SGCD: variants seen among roughly 807,000 people sequenced by gnomAD.
The protein encoded by SGCD is sarcoglycan delta, also known as delta-sarcoglycan.
SGCD carries 18 observed loss-of-function variants against 36.6 expected under a neutral mutation model. The ratio of observed to expected loss-of-function variants is 0.49; its 90% CI spans 0.34 to 0.73. The LOEUF is 0.73. SGCD is among the 30% of genes least tolerant of loss of function. The probability of loss-of-function intolerance (pLI) is 0.01; values close to 1 mark genes in which losing one functional copy is unlikely to be tolerated. For missense variants in SGCD, 387 were observed against 346.7 expected (o/e 1.12, Z -0.92); for synonymous variants, 133 against 130.6 (o/e 1.02, Z -0.12).
chr5:155,792,559 G>GA, the SGCD span, among the ~76,000 whole-genome samples: 35 of 145,980 alleles, frequency 2.4e-4, no homozygotes, highest in African/African-American at 7.3e-4. Flanking sequence ...AAATGAGCAA[G>GA]AAAAAAAAAA....
intron 7 of SGCD, among the ~76,000 whole-genome samples, chr5:156,650,234 T>A (rs900221577): frequency 4.6e-5 from 7 of 152,168 alleles, no homozygotes; most frequent in African/African-American, 1.2e-4. Context: ...CTAAGTCCAG[T>A]GCAACAAAAT....
intron 1 of SGCD, among the ~76,000 whole-genome samples, chr5:156,015,076 AGT>A (rs1352655035): frequency 6.6e-6 from 1 of 152,214 alleles, no homozygotes; most frequent in Admixed American, 6.5e-5. Flanking sequence ...GCTAAGAAGC[AGT>A]GTGTGAGGAG....
intron 1 of SGCD, among the ~76,000 whole-genome samples, chr5:156,068,699 C>T (rs1760422884): frequency 1.3e-5 from 2 of 151,930 alleles, no homozygotes; most frequent in African/African-American, 2.4e-5. Flanking sequence ...AATCGCCACA[C>T]TGACTTCCAC....
chr5:155,997,627 C>A (rs114029145), intron 1 of SGCD, among the ~76,000 whole-genome samples: 83 of 152,354 alleles, frequency 5.4e-4, no homozygotes, highest in Non-Finnish European at 7.5e-4. Context: ...TTTGTTCTTC[C>A]AGCCCCACAG....
At chr5:155,867,964 C>A (rs1755553563), upstream of SGCD, among the ~76,000 whole-genome samples, 1 of 152,184 alleles carries the variant, frequency 6.6e-6, no homozygotes, top group African/African-American at 2.4e-5. Context: ...CATCTTAATG[C>A]AGCCTTAGGG....
chr5:155,928,691 G>GA (rs1757041658), intron 1 of SGCD, among the ~76,000 whole-genome samples: 1 of 105,670 alleles, frequency 9.5e-6, no homozygotes, highest in African/African-American at 3.1e-5. Context: ...AAAAAAAAGA[G>GA]GTAAAAAAAA....
intron 4 of SGCD, among the ~76,000 whole-genome samples, chr5:156,575,098 A>G (rs1759877806): frequency 6.6e-6 from 1 of 152,216 alleles, no homozygotes; most frequent in Admixed American, 6.5e-5. Flanking sequence ...AGTTTAGCCC[A>G]CGGAGTTTCT....
At chr5:156,008,796 T>G (rs1377129499) in intron 1 of SGCD, among the ~76,000 whole-genome samples, 1 of 152,234 alleles carries the variant, frequency 6.6e-6, no homozygotes. Context: ...GTTCACATTC[T>G]GAGGTACTGG....
intron 3 of SGCD, among the ~76,000 whole-genome samples, chr5:156,426,474 G>A (rs1032127694): frequency 1.3e-5 from 2 of 152,000 alleles, no homozygotes; most frequent in African/African-American, 4.8e-5. Context: ...TTAATCCCTT[G>A]TCGGATGCAT....
At chr5:156,367,417 A>T (rs1770161110) in intron 3 of SGCD, among the ~76,000 whole-genome samples, 1 of 152,234 alleles carries the variant, frequency 6.6e-6, no homozygotes, top group Admixed American at 6.5e-5. Flanking sequence ...TGTTTTCCAA[A>T]CCTTGAGAGG....
intron 3 of SGCD, among the ~76,000 whole-genome samples, chr5:156,253,143 G>C (rs1426035180): frequency 2.0e-5 from 3 of 152,156 alleles, no homozygotes; most frequent in Non-Finnish European, 4.4e-5. Context: ...ACTAATGTCA[G>C]AGAGTAGAGG....
chr5:156,300,455 G>T (rs1385742888), intron 3 of SGCD, among the ~76,000 whole-genome samples: 10 of 151,860 alleles, frequency 6.6e-5, no homozygotes, highest in Non-Finnish European at 1.3e-4. Context: ...TTGATTTCCA[G>T]TTTTATTCTA....
chr5:156,457,730 T>C (rs1754321106), intron 3 of SGCD, among the ~76,000 whole-genome samples: 1 of 152,138 alleles, frequency 6.6e-6, no homozygotes, highest in Admixed American at 6.5e-5. Flanking sequence ...GACAGAAAAA[T>C]GTAAATGTCT....
At chr5:156,487,425 T>C (rs544664822) in intron 3 of SGCD, among the ~76,000 whole-genome samples, 1 of 152,096 alleles carries the variant, frequency 6.6e-6, no homozygotes, top group East Asian at 1.9e-4. Flanking sequence ...CAGATAACAA[T>C]GTAAGTTCAA....
the SGCD span, among the ~76,000 whole-genome samples, chr5:155,825,223 G>A: frequency 6.6e-6 from 1 of 152,056 alleles, no homozygotes; most frequent in Non-Finnish European, 1.5e-5. Flanking sequence ...AAGGTAATAA[G>A]GAGGAAAAAA....
intron 3 of SGCD, among the ~76,000 whole-genome samples, chr5:156,183,583 T>C (rs1181556605): frequency 6.6e-6 from 1 of 152,084 alleles, no homozygotes; most frequent in Non-Finnish European, 1.5e-5. Flanking sequence ...AATTTTTGTA[T>C]TTTTAGTAGA....
At chr5:156,053,455 A>T (rs1208129321) in intron 1 of SGCD, among the ~76,000 whole-genome samples, 2 of 146,268 alleles carry the variant, frequency 1.4e-5, no homozygotes, top group Middle Eastern at 3.4e-3. Context: ...ATGTGAGCCA[A>T]ACTCCAAGCA....
chr5:156,161,937 A>C (rs1763096201), intron 3 of SGCD, among the ~76,000 whole-genome samples: 1 of 151,582 alleles, frequency 6.6e-6, no homozygotes, highest in Admixed American at 6.6e-5. Flanking sequence ...TTGACTGTTA[A>C]ATTCAGTCAC....
chr5:156,288,914 A>G (rs188727080), intron 3 of SGCD, among the ~76,000 whole-genome samples: 27 of 152,270 alleles, frequency 1.8e-4, no homozygotes, highest in African/African-American at 6.5e-4. Flanking sequence ...CAAAAAATAT[A>G]AAGTGCAGGA....
Sources: allele counts gnomAD v4.1 joint callset (sites outside exome capture counted in the v4.1 genomes callset), GRCh38; gene constraint gnomAD v4.1.1; transcripts MANE v1.5; gene names NCBI Gene and HGNC (gene_info 2026-07-23, HGNC 2026-07-21).